Variants in UGGT2 observed in about 807,000 individuals in gnomAD.
UGGT2 encodes UDP-glucose:glycoprotein glucosyltransferase 2.
UGGT2 carries 180 observed loss-of-function variants against 192.1 expected under a neutral mutation model. The observed-to-expected ratio is 0.94, with a 90% confidence interval of 0.83 to 1.06. The LOEUF is 1.06. Ranked by LOEUF, UGGT2 falls within the 50% of genes least tolerant of loss-of-function variation. UGGT2 has a pLI of 0.00. For synonymous variants in UGGT2, 580 were observed against 591.0 expected (o/e 0.98, Z 0.27); for missense variants, 1,849 against 1,795.7 (o/e 1.03, Z -0.54).
intron 32 of UGGT2, among the ~76,000 whole-genome samples, chr13:95,860,204 A>G (rs951246746): frequency 6.6e-6 from 1 of 151,836 alleles, no homozygotes; most frequent in African/African-American, 2.4e-5. Context: ...CTGTTTAAAA[A>G]TAGCCTTTTG....
chr13:96,004,952 T>C (rs1020967207), intron 5 of UGGT2, among the ~76,000 whole-genome samples: 1 of 152,046 alleles, frequency 6.6e-6, no homozygotes, highest in Admixed American at 6.6e-5. Flanking sequence ...GAAAGATCTC[T>C]AGGAGTGACA....
chr13:96,026,816 C>A (rs1482493146), intron 2 of UGGT2, among the ~76,000 whole-genome samples: 2 of 152,004 alleles, frequency 1.3e-5, no homozygotes, highest in South Asian at 2.1e-4. Context: ...GGACTACAGG[C>A]GCCCTCCACC....
intron 36 of UGGT2, among the ~76,000 whole-genome samples, chr13:95,847,737 G>A (rs903656615): frequency 1.3e-5 from 2 of 152,090 alleles, no homozygotes; most frequent in Non-Finnish European, 2.9e-5. Context: ...GCATATTCTG[G>A]CAATTATAAA....
intron 38 of UGGT2, among the ~76,000 whole-genome samples, chr13:95,803,763 A>G (rs914208427): frequency 2.2e-4 from 34 of 152,202 alleles, no homozygotes; most frequent in African/African-American, 8.0e-4. Flanking sequence ...AAACCCTGGC[A>G]GAGGAAACCC....
At chr13:95,935,707 A>T (rs1425829136) in intron 17 of UGGT2, among the ~76,000 whole-genome samples, 1 of 152,218 alleles carries the variant, frequency 6.6e-6, no homozygotes, top group Non-Finnish European at 1.5e-5. Flanking sequence ...TTCTTGAATT[A>T]TTCCCTCAAA....
At chr13:95,874,050 C>A (rs977829084) in intron 29 of UGGT2, among the ~76,000 whole-genome samples, 1 of 152,188 alleles carries the variant, frequency 6.6e-6, no homozygotes, top group African/African-American at 2.4e-5. Flanking sequence ...AGTACTGGAA[C>A]TCAATTTGGC....
intron 38 of UGGT2, among the ~76,000 whole-genome samples, chr13:95,810,338 G>A (rs568264028): frequency 6.6e-6 from 1 of 152,296 alleles, no homozygotes; most frequent in East Asian, 1.9e-4. Flanking sequence ...GCAACAGGAG[G>A]TGGCTACGAT....
At chr13:96,027,608 T>C (rs1048551748) in intron 2 of UGGT2, among the ~76,000 whole-genome samples, 2 of 152,132 alleles carry the variant, frequency 1.3e-5, no homozygotes, top group Non-Finnish European at 2.9e-5. Context: ...CTCATCTTAT[T>C]CCCTTCATAG....
In UGGT2 at chr13:95,937,055, C is replaced by G. The variant is rs1229060887; in HGVS notation, c.1846G>C (p.Gly616Arg). The G allele has an allele frequency of 6.2e-7, 1 of 1,601,380 alleles. No homozygotes were observed. The highest frequency in any genetic ancestry group is 8.5e-7 in the Non-Finnish European group (1 of 1,177,316). Residue 616 changes from glycine to arginine, a missense_variant, in exon 17 of 39, where the codon GGT (glycine) becomes CGT (arginine). Gly to Arg is a moderately radical substitution (Grantham distance 125). Coordinates refer to ENST00000376747, the MANE Select transcript of UGGT2 (RefSeq NM_020121.4). ...GASFYKMTGLGPLPQALYNGE... is the reference protein window; with the variant it reads ...GASFYKMTGLRPLPQALYNGE... ...TTATAAAGAGCTTGAGGCAAAGGAC[C>G]CAGGCCAGTCATCTTATAAAAGCTT...
chr13:95,948,228 C>CACAT, intron 13 of UGGT2, 147 bp from the exon 14 acceptor site: 1 of 443,514 alleles, frequency 2.3e-6, no homozygotes, highest in South Asian at 3.4e-5. Flanking sequence ...TACACACACA[C>CACAT]ACACACACAC....
intron 1 of UGGT2, among the ~76,000 whole-genome samples, chr13:96,034,374 A>G (rs867873766): frequency 2.6e-5 from 4 of 152,232 alleles, no homozygotes; most frequent in South Asian, 2.1e-4. Context: ...CAGTTCTCCT[A>G]AGAGCTGTAC....
At chr13:95,881,716 C>T (rs968802782) in intron 27 of UGGT2, among the ~76,000 whole-genome samples, 5 of 152,186 alleles carry the variant, frequency 3.3e-5, no homozygotes, top group Non-Finnish European at 5.9e-5. Flanking sequence ...ATTGCATCTT[C>T]TCTTGCCTTT....
At chr13:95,834,940 ATAC>A (rs1887130410) in intron 37 of UGGT2, among the ~76,000 whole-genome samples, 1 of 152,214 alleles carries the variant, frequency 6.6e-6, no homozygotes, top group Non-Finnish European at 1.5e-5. Context: ...CACTAGAAAA[ATAC>A]TAAATTTTTC....
intron 7 of UGGT2, 116 bp downstream of exon 7, chr13:95,995,947 T>C: frequency 1.2e-6 from 1 of 839,046 alleles, no homozygotes; most frequent in South Asian, 1.5e-5. Context: ...TATGTGTGTG[T>C]GTTTGTACTT....
At chr13:95,959,816 C>T (rs1228536327) in intron 12 of UGGT2, among the ~76,000 whole-genome samples, 1 of 152,206 alleles carries the variant, frequency 6.6e-6, no homozygotes, top group East Asian at 1.9e-4. Context: ...GAATCAACCT[C>T]CCTGCACCTG....
intron 5 of UGGT2, among the ~76,000 whole-genome samples, chr13:96,006,623 C>CAA (rs61256349): frequency 0.019 from 1,744 of 93,014 alleles, 148 homozygotes; most frequent in African/African-American, 0.042. Context: ...GATTCTGCCT[C>CAA]AAAAAAAAAA....
intron 31 of UGGT2, among the ~76,000 whole-genome samples, chr13:95,861,805 G>A (rs1335056240): frequency 1.3e-5 from 2 of 148,958 alleles, no homozygotes; most frequent in African/African-American, 5.2e-5. Flanking sequence ...TGATTCAGTG[G>A]CAAGAAAAAA....
rs146500126 is a variant in UGGT2 at position 95,906,230 on chromosome 13, A to G, written c.2296-3170T>C. ...TATTTTTCATACTATTGTAAACGGT[A>G]TATTTATTTAAACTGCATTTCTCGT... is the stretch of plus-strand genomic sequence containing the variant. On this transcript the variant is annotated intron_variant, in intron 20 of 38. Transcript: ENST00000376747. Among the ~76,000 whole-genome samples the G allele has an allele frequency of 3.7e-3, 566 of 152,332 alleles. 2 individuals carry two copies. Among genetic ancestry groups the G allele is most frequent in the Middle Eastern group, 0.017 (5 of 294 alleles).
intron 36 of UGGT2, among the ~76,000 whole-genome samples, chr13:95,838,339 C>T (rs968992896): frequency 1.3e-5 from 2 of 152,156 alleles, no homozygotes; most frequent in African/African-American, 4.8e-5. Context: ...TATGTTCACA[C>T]ATAGGAAGAC....
Sources: gnomAD v4.1 joint callset for allele counts (sites outside exome capture counted in the v4.1 genomes callset) on GRCh38, gnomAD v4.1.1 for gene constraint, MANE v1.5 for transcripts, NCBI Gene and HGNC (gene_info 2026-07-23, HGNC 2026-07-21) for gene names.